Variants in ZC3H12B observed in about 807,000 individuals in gnomAD.
ZC3H12B encodes zinc finger CCCH-type containing 12B, also known as probable ribonuclease ZC3H12B.
Under a neutral mutation model 43.9 loss-of-function variants are expected in ZC3H12B, and 7 were observed. That is an observed-to-expected ratio of 0.16 (90% CI 0.09 to 0.30). ZC3H12B has a LOEUF of 0.30. Ranked by LOEUF, ZC3H12B falls within the 10% of genes least tolerant of loss-of-function variation. ZC3H12B has a pLI of 1.00. For synonymous variants in ZC3H12B, 222 were observed against 241.7 expected, an observed-to-expected ratio of 0.92 and a Z score of 0.76; for missense variants, 475 against 670.2, an observed-to-expected ratio of 0.71 and a Z score of 3.22.
At chrX:65,453,367 T>TATATA (rs1338104615) in intron 3 of ZC3H12B, among the ~76,000 whole-genome samples, 1 of 67,113 alleles carries the variant, frequency 1.5e-5, no homozygotes, top group African/African-American at 6.8e-5. Flanking sequence ...TGCATATATA[T>TATATA]ATATATATAT....
the ZC3H12B span, among the ~76,000 whole-genome samples, chrX:65,149,517 G>A: frequency 9.0e-6 from 1 of 110,613 alleles, no homozygotes; most frequent in Non-Finnish European, 1.9e-5. Flanking sequence ...TGTAAACCCA[G>A]CACTTTGGGA....
At chrX:65,096,885 A>G in the ZC3H12B span, among the ~76,000 whole-genome samples, 1 of 111,592 alleles carries the variant, frequency 9.0e-6, no homozygotes, top group Non-Finnish European at 1.9e-5. Flanking sequence ...TATGGTTACT[A>G]TTGGTAGAAT....
At chrX:65,160,673 A>G in the ZC3H12B span, among the ~76,000 whole-genome samples, 1 of 111,112 alleles carries the variant, frequency 9.0e-6, no homozygotes, top group South Asian at 3.7e-4. Flanking sequence ...TAGTCTTGCT[A>G]ATGGTGTATC....
At chrX:65,341,688 C>G in the ZC3H12B span, among the ~76,000 whole-genome samples, 1 of 110,615 alleles carries the variant, frequency 9.0e-6, no homozygotes, top group African/African-American at 3.3e-5. Flanking sequence ...CCAGACCTGC[C>G]TTACAACAAC....
At chrX:65,266,408 G>A in the ZC3H12B span, among the ~76,000 whole-genome samples, 1 of 111,987 alleles carries the variant, frequency 8.9e-6, no homozygotes, top group Non-Finnish European at 1.9e-5. Context: ...CCTAGAAGGG[G>A]CTGACATCAC....
the ZC3H12B span, among the ~76,000 whole-genome samples, chrX:65,149,463 T>C: frequency 9.0e-6 from 1 of 111,581 alleles, no homozygotes; most frequent in African/African-American, 3.3e-5. Flanking sequence ...ATAAAAGCAC[T>C]TTTAAAAGTA....
intron 3 of ZC3H12B, among the ~76,000 whole-genome samples, chrX:65,472,825 GATATATAT>G (rs58372328): frequency 1.2e-3 from 39 of 31,560 alleles, no homozygotes; most frequent in African/African-American, 3.4e-3. Flanking sequence ...CCATACCTTT[GATATATAT>G]ATATATATAT....
At chrX:65,159,980 T>G in the ZC3H12B span, among the ~76,000 whole-genome samples, 74 of 112,135 alleles carry the variant, frequency 6.6e-4, no homozygotes, top group Non-Finnish European at 1.2e-3. Flanking sequence ...GAAGGGCTGT[T>G]GAATTTTGTC....
intron 3 of ZC3H12B, among the ~76,000 whole-genome samples, chrX:65,419,679 C>T (rs1443556641): frequency 9.0e-6 from 1 of 110,841 alleles, no homozygotes; most frequent in Non-Finnish European, 1.9e-5. Flanking sequence ...CCCCATGGCC[C>T]TAGAACCCTG....
intron 2 of ZC3H12B, among the ~76,000 whole-genome samples, chrX:65,381,747 T>C (rs746315311): frequency 9.0e-6 from 1 of 110,899 alleles, no homozygotes; most frequent in African/African-American, 3.3e-5. Flanking sequence ...ATCAAACACA[T>C]GCAATAAAAA....
At chrX:65,348,550 T>A in the ZC3H12B span, among the ~76,000 whole-genome samples, 1 of 111,287 alleles carries the variant, frequency 9.0e-6, no homozygotes, top group African/African-American at 3.3e-5. Context: ...ATGCCCCAAT[T>A]AAAAGACACA....
chrX:65,234,091 T>C, the ZC3H12B span, among the ~76,000 whole-genome samples: 1 of 111,131 alleles, frequency 9.0e-6, no homozygotes, highest in Non-Finnish European at 1.9e-5. Context: ...CAGGCCAAGA[T>C]CTCTGATGAA....
At chrX:65,356,753 G>C in the ZC3H12B span, 1 of 154,925 alleles carries the variant, frequency 6.5e-6, no homozygotes, top group African/African-American at 3.1e-5. Flanking sequence ...CTGGTTCAAG[G>C]CCTCTTTATG....
At chrX:65,390,685 A>C (rs1446208374) in intron 2 of ZC3H12B, among the ~76,000 whole-genome samples, 1 of 108,604 alleles carries the variant, frequency 9.2e-6, no homozygotes, top group Non-Finnish European at 1.9e-5. Flanking sequence ...AAAATATATC[A>C]ACAAACACCA....
chrX:65,101,688 C>G, the ZC3H12B span, among the ~76,000 whole-genome samples: 4 of 111,469 alleles, frequency 3.6e-5, no homozygotes, highest in Non-Finnish European at 5.7e-5. Context: ...AAGACTAAAC[C>G]AAAAAGAAGT....
chrX:65,066,004 A>G, the ZC3H12B span, among the ~76,000 whole-genome samples: 1 of 107,418 alleles, frequency 9.3e-6, no homozygotes, highest in Non-Finnish European at 1.9e-5. Flanking sequence ...CAGGTCATTT[A>G]TGTTCTCTAA....
intron 2 of ZC3H12B, among the ~76,000 whole-genome samples, chrX:65,391,932 G>T (rs1013445444): frequency 9.0e-6 from 1 of 111,389 alleles, no homozygotes; most frequent in Non-Finnish European, 1.9e-5. Context: ...CGCCTGACTG[G>T]TTTTTGTATT....
chrX:65,119,567 T>C, the ZC3H12B span, among the ~76,000 whole-genome samples: 2 of 111,835 alleles, frequency 1.8e-5, no homozygotes, highest in Admixed American at 1.9e-4. Flanking sequence ...GATGAGTAGG[T>C]TGTGAAAATT....
At chrX:65,270,093 A>G in the ZC3H12B span, among the ~76,000 whole-genome samples, 1 of 106,760 alleles carries the variant, frequency 9.4e-6, no homozygotes, top group African/African-American at 3.9e-5. Context: ...GAGAAAGAAA[A>G]TCTAAGTAGG....
Sources: gnomAD v4.1 joint callset for allele counts (sites outside exome capture counted in the v4.1 genomes callset) on GRCh38, gnomAD v4.1.1 for gene constraint, MANE v1.5 for transcripts, NCBI Gene and HGNC (gene_info 2026-07-23, HGNC 2026-07-21) for gene names.